ROBO1: variants seen among roughly 807,000 people sequenced by gnomAD.
The protein encoded by ROBO1 is roundabout homolog 1.
ROBO1 carries 149 observed loss-of-function variants against 195.9 expected under a neutral mutation model. The ratio of observed to expected loss-of-function variants is 0.76; its 90% CI spans 0.67 to 0.87. The LOEUF (loss-of-function observed/expected upper bound fraction) is 0.87. ROBO1 is among the 40% of genes least tolerant of loss of function. The probability of loss-of-function intolerance (pLI) is 0.00; values close to 1 mark genes in which losing one functional copy is unlikely to be tolerated. For missense variants in ROBO1, 1,933 were observed against 2,068.3 expected, an observed-to-expected ratio of 0.93 and a Z score of 1.27; for synonymous variants, 816 against 733.2, an observed-to-expected ratio of 1.11 and a Z score of -1.82.
At chr3:79,550,195 G>GAAAGAAAAAAAGAAAAGAAAGAAAA in intron 2 of ROBO1, among the ~76,000 whole-genome samples, 1 of 100,812 alleles carries the variant, frequency 9.9e-6, no homozygotes, top group African/African-American at 4.7e-5. Flanking sequence ...AAGAAAGAAA[G>GAAAGAAAAAAAGAAAAGAAAGAAAA]GAAAAGAAAA....
intron 4 of ROBO1, among the ~76,000 whole-genome samples, chr3:78,873,855 G>A (rs150256310): frequency 6.6e-6 from 1 of 152,120 alleles, no homozygotes; most frequent in Admixed American, 6.6e-5. Flanking sequence ...AATATATACA[G>A]CAATACTATG....
rs140104148 is a variant in ROBO1 at position 79,482,399 on chromosome 3, G to A, written c.88+107425C>T. On this transcript the variant is annotated intron_variant, in intron 2 of 30. Coordinates refer to ENST00000464233, the MANE Select transcript of ROBO1 (RefSeq NM_002941.4). The stretch of plus-strand genomic sequence containing the variant: ...TAATTGGGGCAGTTTCCCCCATACT[G>A]TTCTCATGGTAGTGAATAAGTCTCA... Among the ~76,000 whole-genome samples, 605 of 152,224 alleles carry A rather than the reference G, an allele frequency of 4.0e-3. 5 individuals carry two copies. The highest frequency in any genetic ancestry group is 0.014 in the African/African-American group (566 of 41,542).
At chr3:79,242,372 G>T (rs1295006567) in intron 2 of ROBO1, among the ~76,000 whole-genome samples, 3 of 152,030 alleles carry the variant, frequency 2.0e-5, no homozygotes, top group African/African-American at 7.3e-5. Context: ...TCTATTAAGG[G>T]CCTGGGCCTC....
chr3:78,898,539 C>T (rs1428948381), intron 4 of ROBO1, among the ~76,000 whole-genome samples: 2 of 151,630 alleles, frequency 1.3e-5, no homozygotes, highest in Non-Finnish European at 2.9e-5. Flanking sequence ...AGGCGCCCAC[C>T]ACCATGCCCG....
intron 2 of ROBO1, among the ~76,000 whole-genome samples, chr3:79,399,795 C>T (rs1421739887): frequency 2.0e-5 from 3 of 152,084 alleles, no homozygotes; most frequent in Non-Finnish European, 4.4e-5. Context: ...TCATATTTTC[C>T]CACTTGTAGA....
At chr3:78,736,665 C>T (rs1468002192) in intron 5 of ROBO1, among the ~76,000 whole-genome samples, 2 of 152,128 alleles carry the variant, frequency 1.3e-5, no homozygotes, top group East Asian at 3.9e-4. Flanking sequence ...GAACCCAATG[C>T]TCACTGAAAT....
At chr3:78,863,149 A>G (rs2034953762) in intron 4 of ROBO1, among the ~76,000 whole-genome samples, 1 of 152,204 alleles carries the variant, frequency 6.6e-6, no homozygotes, top group Non-Finnish European at 1.5e-5. Flanking sequence ...TTCTTTCAGT[A>G]AACCCATAGA....
At chr3:78,889,039 G>A (rs2036731411) in intron 4 of ROBO1, among the ~76,000 whole-genome samples, 1 of 152,102 alleles carries the variant, frequency 6.6e-6, no homozygotes, top group South Asian at 2.1e-4. Flanking sequence ...CTCTCTTAAA[G>A]GCAATACAGA....
intron 4 of ROBO1, among the ~76,000 whole-genome samples, chr3:78,864,120 CA>C (rs1306899518): frequency 1.3e-5 from 2 of 152,126 alleles, no homozygotes; most frequent in Non-Finnish European, 2.9e-5. Context: ...TATTACTTTC[CA>C]AACCACACTA....
At chr3:78,618,794 A>T (rs1704277931) in intron 26 of ROBO1, among the ~76,000 whole-genome samples, 1 of 152,224 alleles carries the variant, frequency 6.6e-6, no homozygotes, top group Admixed American at 6.5e-5. Context: ...TGAGGACAAA[A>T]TGAAGTAGTC....
intron 4 of ROBO1, among the ~76,000 whole-genome samples, chr3:78,837,580 G>A (rs943645235): frequency 3.3e-5 from 5 of 151,976 alleles, no homozygotes; most frequent in African/African-American, 1.2e-4. Context: ...AATTAAGTAG[G>A]AAAAGAATAA....
At chr3:79,103,968 AGGAAAG>A (rs1320353766) in intron 3 of ROBO1, among the ~76,000 whole-genome samples, 1 of 151,756 alleles carries the variant, frequency 6.6e-6, no homozygotes, top group Non-Finnish European at 1.5e-5. Flanking sequence ...AGCCTATGAT[AGGAAAG>A]GGAGGAGGAA....
chr3:78,917,760 T>C (rs2038701688), intron 4 of ROBO1, among the ~76,000 whole-genome samples: 1 of 152,210 alleles, frequency 6.6e-6, no homozygotes, highest in Non-Finnish European at 1.5e-5. Flanking sequence ...CACTCAGCTT[T>C]GAAGGATTTA....
At chr3:79,195,900 C>T (rs1033178810) in intron 2 of ROBO1, among the ~76,000 whole-genome samples, 2 of 151,160 alleles carry the variant, frequency 1.3e-5, no homozygotes, top group African/African-American at 2.4e-5. Flanking sequence ...CTCCAAATGT[C>T]AGGAAAAGGA....
intron 2 of ROBO1, among the ~76,000 whole-genome samples, chr3:79,446,531 A>G (rs1287407516): frequency 6.6e-6 from 1 of 152,230 alleles, no homozygotes; most frequent in Non-Finnish European, 1.5e-5. Context: ...AACTTAATTA[A>G]AATATGATAA....
chr3:78,779,259 A>T (rs2083599071), intron 4 of ROBO1, among the ~76,000 whole-genome samples: 1 of 152,210 alleles, frequency 6.6e-6, no homozygotes, highest in Admixed American at 6.5e-5. Flanking sequence ...GACAAATAGG[A>T]TCTAATTAAA....
chr3:79,188,986 A>G (rs1206506238), intron 2 of ROBO1, among the ~76,000 whole-genome samples: 1 of 151,680 alleles, frequency 6.6e-6, no homozygotes, highest in African/African-American at 2.4e-5. Context: ...ATGTGAGAAG[A>G]TGCCTTCTGT....
intron 3 of ROBO1, among the ~76,000 whole-genome samples, chr3:79,059,934 C>T (rs1398044559): frequency 6.6e-6 from 1 of 152,006 alleles, no homozygotes; most frequent in Non-Finnish European, 1.5e-5. Flanking sequence ...GTCTGACTGC[C>T]TGCCGAGCTG....
chr3:78,964,987 G>A (rs1021543727), intron 3 of ROBO1, among the ~76,000 whole-genome samples: 2 of 151,394 alleles, frequency 1.3e-5, no homozygotes, highest in East Asian at 1.9e-4. Flanking sequence ...CTCTGAGAAC[G>A]CAAAAAATAT....
Sources: allele counts gnomAD v4.1 joint callset (sites outside exome capture counted in the v4.1 genomes callset), GRCh38; gene constraint gnomAD v4.1.1; transcripts MANE v1.5; gene names NCBI Gene and HGNC (gene_info 2026-07-23, HGNC 2026-07-21).